PTPRA: variants seen among roughly 807,000 people sequenced by gnomAD.
PTPRA encodes protein tyrosine phosphatase receptor type A, also known as receptor-type tyrosine-protein phosphatase alpha.
PTPRA carries 25 observed loss-of-function variants against 104.8 expected under a neutral mutation model. That is an observed-to-expected ratio of 0.24 (90% CI 0.17 to 0.33). The LOEUF is 0.33. Among genes scored for constraint, PTPRA ranks in the 10% least tolerant of loss-of-function variants. The pLI, the probability that PTPRA is intolerant of heterozygous loss-of-function variation, is 1.00. For synonymous variants in PTPRA, 323 were observed against 368.9 expected (o/e 0.88, Z 1.43); for missense variants, 765 against 1,015.3 (o/e 0.75, Z 3.35).
At chr20:3,005,688 T>C (rs1458297219) in intron 10 of PTPRA, among the ~76,000 whole-genome samples, 1 of 152,196 alleles carries the variant, frequency 6.6e-6, no homozygotes, top group Non-Finnish European at 1.5e-5. Context: ...CAGGAGGATT[T>C]TTGTGTCAGG....
intron 1 of PTPRA, among the ~76,000 whole-genome samples, chr20:2,880,420 A>G (rs762745958): frequency 1.3e-5 from 2 of 152,214 alleles, no homozygotes; most frequent in East Asian, 3.8e-4. Flanking sequence ...GCAGAGACAT[A>G]TTTATACATT....
chr20:2,868,746 G>A (rs2089393536), upstream of PTPRA, among the ~76,000 whole-genome samples: 5 of 145,602 alleles, frequency 3.4e-5, no homozygotes, highest in South Asian at 1.1e-3. Context: ...AATGAAAAAG[G>A]ATTGCTATCA....
chr20:2,901,422 A>G (rs1568645361), intron 1 of PTPRA, among the ~76,000 whole-genome samples: 1 of 152,208 alleles, frequency 6.6e-6, no homozygotes. Context: ...TCCTTTGAAC[A>G]GAGAGGTTGC....
At chr20:2,905,736 G>A (rs969615738) in intron 1 of PTPRA, among the ~76,000 whole-genome samples, 1 of 131,698 alleles carries the variant, frequency 7.6e-6, no homozygotes, top group African/African-American at 3.0e-5. Context: ...CCAGGCTAGA[G>A]TGCAATGGTG....
At chr20:2,866,583 T>A in the PTPRA span, 1 of 1,613,668 alleles carries the variant, frequency 6.2e-7, no homozygotes, top group Non-Finnish European at 8.5e-7. Flanking sequence ...GAGGAGTCCA[T>A]CCTGTACATC....
intron 11 of PTPRA, among the ~76,000 whole-genome samples, chr20:3,010,484 C>T (rs1014480193): frequency 8.6e-5 from 13 of 152,018 alleles, no homozygotes; most frequent in South Asian, 8.3e-4. Context: ...AAAAATTAGT[C>T]GGGCGTGGTG....
chr20:2,870,587 G>A (rs114029427), upstream of PTPRA, among the ~76,000 whole-genome samples: 2 of 152,242 alleles, frequency 1.3e-5, no homozygotes, highest in Non-Finnish European at 2.9e-5. Flanking sequence ...ATTCCCTGCT[G>A]TGTCCAGCAC....
chr20:2,877,469 G>A (rs1448395128), intron 1 of PTPRA, among the ~76,000 whole-genome samples: 1 of 152,132 alleles, frequency 6.6e-6, no homozygotes, highest in African/African-American at 2.4e-5. Flanking sequence ...ATGTTGGTAA[G>A]GCTGGTCTTG....
At chr20:2,878,276 T>A (rs2089855668) in intron 1 of PTPRA, among the ~76,000 whole-genome samples, 1 of 152,238 alleles carries the variant, frequency 6.6e-6, no homozygotes. Flanking sequence ...TGCAGTGGCA[T>A]GATCACAGCT....
intron 10 of PTPRA, 34 bp from the exon 11 acceptor site, chr20:3,007,310 G>T: frequency 1.3e-6 from 2 of 1,593,146 alleles, no homozygotes; most frequent in South Asian, 2.2e-5. Flanking sequence ...AATAAATTTT[G>T]ATTTTACTGA....
intron 1 of PTPRA, among the ~76,000 whole-genome samples, chr20:2,897,384 CTTTTTTTTTTT>C (rs60627339): frequency 9.2e-6 from 1 of 108,932 alleles, no homozygotes. Flanking sequence ...CTTGGCATTT[CTTTTTTTTTTT>C]TTTTTTTTTT....
chr20:2,897,752 T>C (rs759305682), intron 1 of PTPRA, among the ~76,000 whole-genome samples: 3 of 152,160 alleles, frequency 2.0e-5, no homozygotes, highest in Admixed American at 2.0e-4. Context: ...TGTTTTTGTT[T>C]GTTTAAAAAT....
At chr20:2,957,372 T>A (rs962932118) in intron 3 of PTPRA, among the ~76,000 whole-genome samples, 3 of 152,366 alleles carry the variant, frequency 2.0e-5, no homozygotes, top group East Asian at 1.9e-4. Context: ...TTAAGAGAAC[T>A]GTATGGTTTT....
chr20:2,923,185 G>A, intron 1 of PTPRA, 22 bp from the exon 2 acceptor site: 1 of 1,039,714 alleles, frequency 9.6e-7, no homozygotes, highest in Non-Finnish European at 1.3e-6. Flanking sequence ...TATTTCTAAA[G>A]GTATTTTTCC....
At chr20:2,898,801 T>C (rs2147079445) in intron 1 of PTPRA, among the ~76,000 whole-genome samples, 1 of 151,982 alleles carries the variant, frequency 6.6e-6, no homozygotes. Context: ...GAGGTTGCAG[T>C]GAGCTGAGAT....
rs761773379 is a variant in PTPRA at position 3,027,777 on chromosome 20, G to A, written c.1856G>A (p.Arg619Gln). 12 of 1,614,160 alleles carry A rather than the reference G, an allele frequency of 7.4e-6. No homozygotes were observed. The highest frequency in any genetic ancestry group is 3.3e-5 in the Admixed American group (2 of 60,022). ...CTCCACACAATTGAGGACTTCTGGCGAATGATCTGGGAGTGGAAATCCTGC... is the reference window on the plus strand; with the variant it reads ...CTCCACACAATTGAGGACTTCTGGCAAATGATCTGGGAGTGGAAATCCTGC... ...PLLHTIEDFW[R>Q]MIWEWKSCSI... The change falls in exon 20 of 24, where the codon CGA becomes CAA. Residue 619 changes from arginine to glutamine, a missense_variant. Arg to Gln is a conservative substitution (Grantham distance 43). This residue lies in a region of PTPRA where 192 missense variants were observed against 227.0 expected (regional missense o/e 0.85). Transcript: ENST00000399903.
At chr20:2,884,359 G>A (rs932323019) in intron 1 of PTPRA, among the ~76,000 whole-genome samples, 1 of 152,140 alleles carries the variant, frequency 6.6e-6, no homozygotes, top group Non-Finnish European at 1.5e-5. Flanking sequence ...ACTCACAAAG[G>A]TTCCAGCAGC....
chr20:2,986,748 T>C lies in PTPRA; in HGVS notation c.443-17T>C. 6.3e-7 allele frequency: 1 copy of C among 1,596,726 alleles called. No individual in the cohort carries two copies. ...TGCACAACACAGTAATGACTTGTTC[T>C]GTTGTCTTGATTTCAGATGAGACAC... On this transcript the variant is annotated splice_polypyrimidine_tract_variant and intron_variant, in intron 6 of 23. Coordinates refer to ENST00000399903, the MANE Select transcript of PTPRA (RefSeq NM_001385305.1).
At chr20:2,942,675 C>G (rs1429122361) in intron 2 of PTPRA, among the ~76,000 whole-genome samples, 1 of 151,566 alleles carries the variant, frequency 6.6e-6, no homozygotes, top group Non-Finnish European at 1.5e-5. Flanking sequence ...GAATCTCCAG[C>G]CTGCCAGCCT....
Sources: allele counts gnomAD v4.1 joint callset (sites outside exome capture counted in the v4.1 genomes callset), GRCh38; gene constraint gnomAD v4.1.1; regional missense constraint gnomAD v4.1.1; transcripts MANE v1.5; gene names NCBI Gene and HGNC (gene_info 2026-07-23, HGNC 2026-07-21).